The following VDAC1 variants were observed in gnomAD, a reference collection of about 807,000 sequenced individuals.
The protein encoded by VDAC1 is non-selective voltage-gated ion channel VDAC1.
Under a neutral mutation model 34.7 loss-of-function variants are expected in VDAC1, and 10 were observed. That is an observed-to-expected ratio of 0.29 (90% CI 0.18 to 0.49). VDAC1 has a LOEUF of 0.49. Ranked by LOEUF, VDAC1 falls within the 20% of genes least tolerant of loss-of-function variation. The probability of loss-of-function intolerance (pLI) is 0.99; values close to 1 mark genes in which losing one functional copy is unlikely to be tolerated. For missense variants in VDAC1, 230 were observed against 347.9 expected, an observed-to-expected ratio of 0.66 and a Z score of 2.69; for synonymous variants, 130 against 136.0, an observed-to-expected ratio of 0.96 and a Z score of 0.30.
chr5:134,078,212 G>A, the VDAC1 span, among the ~76,000 whole-genome samples: 1 of 152,216 alleles, frequency 6.6e-6, no homozygotes, highest in South Asian at 2.1e-4. Flanking sequence ...CCCTCAAAGA[G>A]GCTAGAGATG....
intron 8 of VDAC1, among the ~76,000 whole-genome samples, chr5:133,973,531 G>GA (rs1331872286): frequency 1.3e-5 from 2 of 152,132 alleles, no homozygotes; most frequent in African/African-American, 2.4e-5. Context: ...GTCCACACTG[G>GA]AAAAAAGGAT....
At chr5:134,039,175 C>T in the VDAC1 span, among the ~76,000 whole-genome samples, 2 of 152,138 alleles carry the variant, frequency 1.3e-5, no homozygotes, top group African/African-American at 4.8e-5. Flanking sequence ...TGGGCCAAGA[C>T]CAAGGAACCA....
chr5:134,013,920 TG>T, the VDAC1 span, among the ~76,000 whole-genome samples: 4 of 151,110 alleles, frequency 2.6e-5, no homozygotes, highest in Non-Finnish European at 5.9e-5. Flanking sequence ...CCAGCCTGGG[TG>T]ACAGAGTGAG....
At chr5:134,031,289 T>C in the VDAC1 span, among the ~76,000 whole-genome samples, 11 of 151,854 alleles carry the variant, frequency 7.2e-5, no homozygotes, top group Admixed American at 2.0e-4. Flanking sequence ...GGGATTAAAT[T>C]TACTTAGTTA....
At chr5:134,083,170 TTTTC>T in the VDAC1 span, among the ~76,000 whole-genome samples, 2 of 151,326 alleles carry the variant, frequency 1.3e-5, no homozygotes, top group Non-Finnish European at 2.9e-5. Flanking sequence ...GAGCCTGTGC[TTTTC>T]TTTTTCTTTT....
At chr5:134,091,149 G>A in the VDAC1 span, among the ~76,000 whole-genome samples, 4 of 152,212 alleles carry the variant, frequency 2.6e-5, no homozygotes, top group Admixed American at 2.0e-4. Flanking sequence ...AATGGGCTGT[G>A]AAAAAGGAAT....
At chr5:134,113,878 C>T in the VDAC1 span, among the ~76,000 whole-genome samples, 3 of 152,184 alleles carry the variant, frequency 2.0e-5, no homozygotes, top group South Asian at 2.1e-4. Context: ...TTGCTGTGGA[C>T]GAGCGACCCA....
the VDAC1 span, among the ~76,000 whole-genome samples, chr5:134,060,049 C>A: frequency 6.6e-6 from 1 of 151,764 alleles, no homozygotes; most frequent in Non-Finnish European, 1.5e-5. Flanking sequence ...AGATCCTCTC[C>A]CACACCCCAG....
the VDAC1 span, among the ~76,000 whole-genome samples, chr5:134,017,454 C>A: frequency 6.6e-6 from 1 of 151,756 alleles, no homozygotes; most frequent in South Asian, 2.1e-4. Flanking sequence ...GAAACTCCAT[C>A]TCAAAAAAAA....
the VDAC1 span, among the ~76,000 whole-genome samples, chr5:134,044,709 G>T: frequency 1.3e-5 from 2 of 152,148 alleles, no homozygotes; most frequent in Admixed American, 1.3e-4. Flanking sequence ...ATGCATCTAG[G>T]TATAGAAAAG....
Position 133,972,541 on chromosome 5 carries a change from G to A in VDAC1, c.*230C>T. On this transcript the variant is annotated 3_prime_UTR_variant, in exon 9 of 9. Transcript: ENST00000265333. ...AAAAAAGAAACCTGGCATCTCAAAG[G>A]GGCCACCAAGTTCTCCCCGAGTCTA... is the stretch of plus-strand genomic sequence containing the variant. 2.2e-6 allele frequency: 1 copy of A among 444,648 alleles called. No homozygotes were observed. Among genetic ancestry groups the A allele is most frequent in the Non-Finnish European group, 4.0e-6 (1 of 251,764 alleles). The allele number at this position is 444,648 out of a possible 1,614,324, so 27.5% of individuals were successfully genotyped here.
At chr5:134,063,390 C>G in the VDAC1 span, among the ~76,000 whole-genome samples, 1 of 152,180 alleles carries the variant, frequency 6.6e-6, no homozygotes, top group Non-Finnish European at 1.5e-5. Context: ...CTCCCTACCC[C>G]CATCCCTGTC....
intron 3 of VDAC1, 35 bp from the exon 4 acceptor site, chr5:133,991,189 A>G (rs1169354586): frequency 1.9e-6 from 3 of 1,603,862 alleles, no homozygotes; most frequent in East Asian, 4.5e-5. Context: ...AGCCTGCACC[A>G]TAGCACTCAC....
At chr5:134,027,772 T>C in the VDAC1 span, among the ~76,000 whole-genome samples, 3 of 148,330 alleles carry the variant, frequency 2.0e-5, no homozygotes, top group African/African-American at 7.5e-5. Flanking sequence ...GCCTACTTTT[T>C]TTTTTTTTTT....
At chr5:134,025,805 A>T in the VDAC1 span, among the ~76,000 whole-genome samples, 3 of 151,816 alleles carry the variant, frequency 2.0e-5, no homozygotes, top group East Asian at 5.8e-4. Context: ...TATTTTACCT[A>T]GGCTGGTCTT....
At position 133,980,935 on chromosome 5, in the gene VDAC1, CT is replaced by C; in HGVS notation, c.344del (p.Lys115ArgfsTer30). On this transcript the variant is annotated frameshift_variant, in exon 6 of 9. Transcript: ENST00000265333. LOFTEE classifies it high-confidence loss of function. ...TAATGTGCTCCCGCTTGTACCCTGT[CT>C]TGATTTTAGCATTTTTTTTCCTGAA... Reference protein sequence around the residue: ...PNTGKKNAKIKTGYKREHINL... With the variant: ...PNTGKKNAKIXTGYKREHINL... The C allele has an allele frequency of 6.2e-7, 1 of 1,613,732 alleles. No individual in the cohort carries two copies. Among genetic ancestry groups the C allele is most frequent in the Middle Eastern group, 1.7e-4 (1 of 6,060 alleles).
chr5:133,983,955 C>T (rs150505788), intron 5 of VDAC1, among the ~76,000 whole-genome samples: 109 of 152,284 alleles, frequency 7.2e-4, no homozygotes, highest in African/African-American at 2.0e-3. Context: ...AGCTTCCTGA[C>T]GCCTTCCCAG....
At chr5:133,983,992 T>G (rs1337671806) in intron 5 of VDAC1, among the ~76,000 whole-genome samples, 1 of 152,180 alleles carries the variant, frequency 6.6e-6, no homozygotes, top group Non-Finnish European at 1.5e-5. Flanking sequence ...TGTGCTCTGC[T>G]TGTACAGACT....
the VDAC1 span, among the ~76,000 whole-genome samples, chr5:134,102,537 G>A: frequency 1.3e-4 from 19 of 151,870 alleles, 1 homozygote; most frequent in Admixed American, 1.2e-3. Flanking sequence ...GCGTGGTGGC[G>A]CAAACCTGTA....
Sources: gnomAD v4.1 joint callset for allele counts (sites outside exome capture counted in the v4.1 genomes callset) on GRCh38, gnomAD v4.1.1 for gene constraint, MANE v1.5 for transcripts, NCBI Gene and HGNC (gene_info 2026-07-23, HGNC 2026-07-21) for gene names.